Variants in PLCE1 observed in about 807,000 individuals in gnomAD.
The protein encoded by PLCE1 is 1-phosphatidylinositol 4,5-bisphosphate phosphodiesterase epsilon-1.
A neutral mutation model predicts 242.8 loss-of-function variants in PLCE1; 119 were observed. That is an observed-to-expected ratio of 0.49 (90% confidence interval 0.42 to 0.57). The LOEUF (loss-of-function observed/expected upper bound fraction) is 0.57. PLCE1 is among the 20% of genes least tolerant of loss of function. The pLI, the probability that PLCE1 is intolerant of heterozygous loss-of-function variation, is 0.00. For synonymous variants in PLCE1, 945 were observed against 1,017.4 expected (o/e 0.93, Z 1.35); for missense variants, 2,441 against 2,788.8 (o/e 0.88, Z 2.81).
chr10:94,026,666 G>A (rs559287611), intron 1 of PLCE1, among the ~76,000 whole-genome samples: 1 of 152,160 alleles, frequency 6.6e-6, no homozygotes, highest in Non-Finnish European at 1.5e-5. Context: ...CATACAAAAT[G>A]TATATATATA....
At chr10:94,282,260 A>G (rs367895078) in intron 20 of PLCE1, among the ~76,000 whole-genome samples, 1 of 151,820 alleles carries the variant, frequency 6.6e-6, no homozygotes, top group Non-Finnish European at 1.5e-5. Flanking sequence ...GATAATGCCT[A>G]GCCACAGAAT....
chr10:94,209,185 T>TA (rs1197040882), intron 4 of PLCE1, among the ~76,000 whole-genome samples: 8 of 152,216 alleles, frequency 5.3e-5, no homozygotes, highest in African/African-American at 1.7e-4. Context: ...ATTAAAATAC[T>TA]AAAACATGTC....
intron 2 of PLCE1, among the ~76,000 whole-genome samples, chr10:94,085,711 A>C (rs2044796762): frequency 6.6e-6 from 1 of 152,214 alleles, no homozygotes; most frequent in African/African-American, 2.4e-5. Context: ...TGGAATATTC[A>C]GTGCTCTGCA....
intron 3 of PLCE1, among the ~76,000 whole-genome samples, chr10:94,170,600 T>C (rs2047941761): frequency 6.6e-6 from 1 of 152,224 alleles, no homozygotes; most frequent in South Asian, 2.1e-4. Context: ...TAGATGGTTC[T>C]GTTCTTGCAA....
rs574886457 is a variant in PLCE1, at chr10:94,137,310, C to A, written c.1492+4851C>A. Reference sequence around the variant, plus strand: ...TGGCAGTCAAAAGAATTATTGACTTCGATAATTAGGAAGAAATTTTCAAAG... The same window carrying A: ...TGGCAGTCAAAAGAATTATTGACTTAGATAATTAGGAAGAAATTTTCAAAG... On this transcript the variant is annotated intron_variant, in intron 3 of 32. Transcript: ENST00000371380. Among the ~76,000 whole-genome samples, 51 of 152,116 alleles carry A rather than the reference C, an allele frequency of 3.4e-4. 1 individual carries two copies. The South Asian group carries it at 1.0e-2, about 30-fold the overall frequency.
chr10:94,136,365 C>T (rs145841827), intron 3 of PLCE1, among the ~76,000 whole-genome samples: 35 of 152,234 alleles, frequency 2.3e-4, no homozygotes, highest in African/African-American at 8.2e-4. Context: ...CTGAATTGTA[C>T]ACTTAAAAAT....
At chr10:94,237,313 G>A (rs76429071) in intron 7 of PLCE1, among the ~76,000 whole-genome samples, 3,696 of 152,214 alleles carry the variant, frequency 0.024, 84 homozygotes, top group African/African-American at 0.069. Context: ...TGTGTATGTC[G>A]TTTGACCTTT....
chr10:94,067,036 GTTC>G (rs1184989841), intron 2 of PLCE1, among the ~76,000 whole-genome samples: 3 of 151,994 alleles, frequency 2.0e-5, no homozygotes, highest in African/African-American at 7.3e-5. Context: ...TGCTTTCTTT[GTTC>G]ACCCTTAAAG....
rs746777299 is a variant in PLCE1 at position 94,254,963 on chromosome 10, G to A, written c.3468G>A (p.Gly1156=). 1.9e-6 allele frequency: 3 copies of A among 1,613,998 alleles called. No individual in the cohort carries two copies. The highest frequency in any genetic ancestry group is 1.3e-5 in the African/African-American group (1 of 74,988). The change falls in exon 11 of 33, where the codon GGG becomes GGA. Residue 1156 remains glycine, a synonymous_variant. Coordinates refer to ENST00000371380, the MANE Select transcript of PLCE1 (RefSeq NM_016341.4). ...SRRAHSLTTA[G]SPNLAAGTSS... ...GAGCCCACTCTTTGACCACAGCTGG[G>A]TCCCCCAACTTGGCTGCCGGGACGT...
chr10:94,121,400 T>C (rs2046293985), intron 2 of PLCE1, among the ~76,000 whole-genome samples: 2 of 152,150 alleles, frequency 1.3e-5, no homozygotes, highest in African/African-American at 4.8e-5. Flanking sequence ...ACCTTCAGAA[T>C]GCTACCAAAT....
chr10:94,315,410 G>A (rs1446806366), intron 28 of PLCE1: 1 of 456,056 alleles, frequency 2.2e-6, no homozygotes, highest in South Asian at 1.5e-5. Context: ...AACAAAGGGA[G>A]TTTCTTCACT....
chr10:94,272,230 A>G (rs966601397), intron 18 of PLCE1, among the ~76,000 whole-genome samples: 3 of 152,204 alleles, frequency 2.0e-5, no homozygotes, highest in Admixed American at 6.5e-5. Flanking sequence ...AGACATTCCC[A>G]GAGCAGCTGT....
rs1274215787 is a variant in PLCE1, at chr10:94,283,716, C to T, written c.4796-74C>T. 28 of 1,499,960 alleles carry T rather than the reference C, an allele frequency of 1.9e-5. No individual in the cohort carries two copies. In the East Asian group the frequency reaches 4.9e-4, roughly 26 times the overall value. 92.9% of individuals were successfully genotyped at this position (1,499,960 alleles called of 1,614,324 possible). A position where few individuals can be genotyped will look rare whatever the true frequency, so the allele number is the denominator to read the frequency against. The stretch of plus-strand genomic sequence containing the variant: ...ATAAGTACAAGTATCTGGATGTCCT[C>T]ACAGTGATGCACATGTAGCTCTTAA... On this transcript the variant is annotated intron_variant, in intron 20 of 32. Transcript: ENST00000371380.
intron 3 of PLCE1, among the ~76,000 whole-genome samples, chr10:94,141,506 AGG>A (rs2046953931): frequency 2.0e-5 from 1 of 48,862 alleles, no homozygotes; most frequent in Non-Finnish European, 5.0e-5. Context: ...GGGAAGGCGA[AGG>A]GAAGGTGAAG....
rs1181728731 is a variant in PLCE1 at position 94,324,994 on chromosome 10, C to T, written c.6823C>T (p.Leu2275Phe). Residue 2275 changes from leucine to phenylalanine, a missense_variant, in exon 32 of 33, where the codon CTC (leucine) becomes TTC (phenylalanine). Physicochemically the swap from Leu to Phe is conservative, Grantham distance 22. Coordinates refer to ENST00000371380, the MANE Select transcript of PLCE1 (RefSeq NM_016341.4). Reference sequence around the variant, plus strand: ...CCGAGGACTTACATCACCTTCTCAGCTCTTGACCTCAGAAAGTATCCAAAC... The same window carrying T: ...CCGAGGACTTACATCACCTTCTCAGTTCTTGACCTCAGAAAGTATCCAAAC... Reference protein sequence around the residue: ...QPRGLTSPSQLLTSESIQTKE... With the variant: ...QPRGLTSPSQFLTSESIQTKE... 1.2e-6 allele frequency: 2 copies of T among 1,614,020 alleles called. No homozygotes were observed. The highest frequency in any genetic ancestry group is 1.7e-6 in the Non-Finnish European group (2 of 1,179,980).
chr10:94,143,884 C>A (rs1396993385), intron 3 of PLCE1, among the ~76,000 whole-genome samples: 1 of 152,194 alleles, frequency 6.6e-6, no homozygotes, highest in Admixed American at 6.5e-5. Flanking sequence ...ATTCCTTGAA[C>A]AAATGTATGC....
chr10:94,331,001 G>A lies in PLCE1; in HGVS notation c.*3058G>A, dbSNP rs563007658. On this transcript the variant is annotated 3_prime_UTR_variant, in exon 33 of 33. Transcript: ENST00000371380. ...AAGCATCACTGAAAGTGAAGAGAAA[G>A]GAGCATGAATTCTGTCACTCTATTC... 1 of 152,280 alleles carries A rather than the reference G, an allele frequency of 6.6e-6. No homozygotes were observed. The highest frequency in any genetic ancestry group is 2.1e-4 in the South Asian group (1 of 4,828). The allele number at this position is 152,280 out of a possible 1,614,324, so 9.4% of individuals were successfully genotyped here.
intron 2 of PLCE1, among the ~76,000 whole-genome samples, chr10:94,049,643 T>C (rs2043708520): frequency 6.6e-6 from 1 of 152,066 alleles, no homozygotes; most frequent in South Asian, 2.1e-4. Context: ...ATAACACATC[T>C]ACAGAAAAAT....
At chr10:94,178,557 T>C (rs1250932688) in intron 4 of PLCE1, among the ~76,000 whole-genome samples, 1 of 152,212 alleles carries the variant, frequency 6.6e-6, no homozygotes, top group Non-Finnish European at 1.5e-5. Context: ...TTCAACAGTT[T>C]AAAGGCCATC....
Sources: gnomAD v4.1 joint callset for allele counts (sites outside exome capture counted in the v4.1 genomes callset) on GRCh38, gnomAD v4.1.1 for gene constraint, MANE v1.5 for transcripts, NCBI Gene and HGNC (gene_info 2026-07-23, HGNC 2026-07-21) for gene names.